KCNAB1: variants seen among roughly 807,000 people sequenced by gnomAD.
KCNAB1 encodes the protein voltage-gated potassium channel subunit beta-1.
A neutral mutation model predicts 64.6 loss-of-function variants in KCNAB1; 35 were observed. The observed-to-expected ratio is 0.54, with a 90% confidence interval of 0.41 to 0.72. The LOEUF is 0.72. Ranked by LOEUF, KCNAB1 falls within the 30% of genes least tolerant of loss-of-function variation. The pLI, the probability that KCNAB1 is intolerant of heterozygous loss-of-function variation, is 0.00. For synonymous variants in KCNAB1, 177 were observed against 183.8 expected (o/e 0.96, Z 0.30); for missense variants, 401 against 512.9 (o/e 0.78, Z 2.11).
chr3:156,130,276 G>A (rs1458790414), intron 1 of KCNAB1, among the ~76,000 whole-genome samples: 4 of 152,198 alleles, frequency 2.6e-5, no homozygotes, highest in African/African-American at 4.8e-5. Context: ...TTAAGAGCAT[G>A]GTTACCCCAA....
chr3:156,245,401 G>T (rs1403384476), intron 1 of KCNAB1, among the ~76,000 whole-genome samples: 1 of 152,052 alleles, frequency 6.6e-6, no homozygotes, highest in Non-Finnish European at 1.5e-5. Flanking sequence ...ATAACATCTT[G>T]CATAACATGG....
intron 1 of KCNAB1, among the ~76,000 whole-genome samples, chr3:156,197,770 G>A (rs1714050852): frequency 6.6e-6 from 1 of 151,980 alleles, no homozygotes; most frequent in South Asian, 2.1e-4. Flanking sequence ...ATTTTTGAAG[G>A]GATTTTCATG....
chr3:156,125,887 T>A (rs1171779756), intron 1 of KCNAB1, among the ~76,000 whole-genome samples: 1 of 152,172 alleles, frequency 6.6e-6, no homozygotes, highest in African/African-American at 2.4e-5. Flanking sequence ...TGCAAGAAGT[T>A]TATGCAAGAA....
intron 1 of KCNAB1, among the ~76,000 whole-genome samples, chr3:156,259,618 A>T (rs1306376156): frequency 1.3e-5 from 2 of 152,210 alleles, no homozygotes; most frequent in East Asian, 3.9e-4. Flanking sequence ...AGTCCCTAAC[A>T]TAGCTGACTT....
chr3:156,251,094 G>A (rs1444861702), intron 1 of KCNAB1, among the ~76,000 whole-genome samples: 1 of 152,210 alleles, frequency 6.6e-6, no homozygotes, highest in Admixed American at 6.5e-5. Context: ...AAGAGTTTGA[G>A]TTACTGATGA....
intron 1 of KCNAB1, among the ~76,000 whole-genome samples, chr3:156,188,017 G>A (rs1713312600): frequency 6.6e-6 from 1 of 151,880 alleles, no homozygotes; most frequent in Non-Finnish European, 1.5e-5. Flanking sequence ...GGGACCCTTG[G>A]TGGGCAGAGC....
intron 1 of KCNAB1, among the ~76,000 whole-genome samples, chr3:156,152,680 AGC>A (rs1304494839): frequency 6.6e-6 from 1 of 152,236 alleles, no homozygotes; most frequent in Non-Finnish European, 1.5e-5. Context: ...TAAGTATCCA[AGC>A]TCTCCGTTTA....
At position 156,332,333 on chromosome 3, in the gene KCNAB1, C is replaced by G. The variant is rs1238214365; in HGVS notation, c.276-89283C>G. ...TCATACAAGGATCCCACCCCTTCAC[C>G]AAATTGTTTTTATCAAGTTTAGTCA... On this transcript the variant is annotated intron_variant, in intron 1 of 13. Transcript: ENST00000490337. Among the ~76,000 whole-genome samples, 3 of 152,142 alleles carry G rather than the reference C, an allele frequency of 2.0e-5. No homozygotes were observed. In the East Asian group the frequency reaches 5.8e-4, roughly 29 times the overall value.
chr3:156,506,760 C>G (rs1485827382), intron 8 of KCNAB1, among the ~76,000 whole-genome samples: 5 of 152,202 alleles, frequency 3.3e-5, no homozygotes. Flanking sequence ...ATCCAGAAAG[C>G]ATATTCCCTA....
Position 156,258,568 on chromosome 3 carries a change from T to A in KCNAB1, c.275+137682T>A, listed in dbSNP as rs760855611. 7.1e-4 allele frequency among the ~76,000 whole-genome samples: 108 copies of A among 152,182 alleles called. 2 individuals are homozygous for A. The highest frequency in any genetic ancestry group is 2.6e-4 in the Admixed American group (4 of 15,272). On this transcript the variant is annotated intron_variant, in intron 1 of 13. Coordinates refer to ENST00000490337, the MANE Select transcript of KCNAB1 (RefSeq NM_172160.3). The stretch of plus-strand genomic sequence containing the variant: ...GCCAATTCTCCTTGGTCCTGTTCTG[T>A]CCTATGCAACAACACTCCCAAATGT...
chr3:156,429,230 A>G (rs1716041887), intron 2 of KCNAB1, among the ~76,000 whole-genome samples: 1 of 152,198 alleles, frequency 6.6e-6, no homozygotes, highest in South Asian at 2.1e-4. Flanking sequence ...AAGATAGAAA[A>G]ATGTGTGAAC....
At chr3:156,471,962 G>C (rs1368413295) in intron 7 of KCNAB1, among the ~76,000 whole-genome samples, 1 of 152,146 alleles carries the variant, frequency 6.6e-6, no homozygotes, top group Non-Finnish European at 1.5e-5. Flanking sequence ...GGATATCACA[G>C]GGTCATTCGG....
At chr3:156,441,081 AAGGAC>A (rs1716958856) in intron 2 of KCNAB1, 3 of 152,190 alleles carry the variant, frequency 2.0e-5, no homozygotes. Flanking sequence ...AAGAATTTGA[AAGGAC>A]TGTTGCAATA....
intron 1 of KCNAB1, among the ~76,000 whole-genome samples, chr3:156,167,598 G>T (rs1219372265): frequency 6.6e-6 from 1 of 152,032 alleles, no homozygotes; most frequent in Non-Finnish European, 1.5e-5. Flanking sequence ...TGCTTACTTT[G>T]AAGAAAAACT....
At chr3:156,172,148 A>G (rs867178770) in intron 1 of KCNAB1, among the ~76,000 whole-genome samples, 5 of 152,350 alleles carry the variant, frequency 3.3e-5, no homozygotes, top group Middle Eastern at 3.4e-3. Flanking sequence ...TATTCATCAG[A>G]AGTTGTTATT....
chr3:156,143,521 G>C, intron 1 of KCNAB1: 1 of 654,786 alleles, frequency 1.5e-6, no homozygotes, highest in Non-Finnish European at 2.2e-6. Context: ...AACCCTGTAA[G>C]AAAAAGAAGG....
chr3:156,157,880 G>C (rs868403613), intron 1 of KCNAB1, among the ~76,000 whole-genome samples: 1 of 152,008 alleles, frequency 6.6e-6, no homozygotes, highest in Admixed American at 6.6e-5. Context: ...AAATGCATGT[G>C]TATTACTATA....
At chr3:156,278,414 G>A (rs1200021751) in intron 1 of KCNAB1, among the ~76,000 whole-genome samples, 1 of 152,104 alleles carries the variant, frequency 6.6e-6, no homozygotes, top group East Asian at 1.9e-4. Context: ...AGTTACTTTT[G>A]AGTCCAATTA....
At chr3:156,297,347 G>A (rs1264154007) in intron 1 of KCNAB1, among the ~76,000 whole-genome samples, 1 of 148,566 alleles carries the variant, frequency 6.7e-6, no homozygotes, top group East Asian at 2.0e-4. Context: ...AAAGAGATTG[G>A]AATATGGCTC....
Sources: gnomAD v4.1 joint callset for allele counts (sites outside exome capture counted in the v4.1 genomes callset) on GRCh38, gnomAD v4.1.1 for gene constraint, MANE v1.5 for transcripts, NCBI Gene and HGNC (gene_info 2026-07-23, HGNC 2026-07-21) for gene names.